TTC28: variants seen among roughly 807,000 people sequenced by gnomAD.
TTC28 encodes tetratricopeptide repeat protein 28.
A neutral mutation model predicts 198.0 loss-of-function variants in TTC28; 61 were observed. That is an observed-to-expected ratio of 0.31 (90% confidence interval 0.25 to 0.38). TTC28 has a LOEUF of 0.38. Ranked by LOEUF, TTC28 falls within the 10% of genes least tolerant of loss-of-function variation. The probability of loss-of-function intolerance (pLI) is 1.00; values close to 1 mark genes in which losing one functional copy is unlikely to be tolerated. For synonymous variants in TTC28, 1,171 were observed against 1,297.8 expected (o/e 0.90, Z 2.10); for missense variants, 2,678 against 3,164.0 (o/e 0.85, Z 3.69).
chr22:27,993,478 T>C lies in TTC28; in HGVS notation c.5285A>G (p.Asn1762Ser), dbSNP rs1418398360. The change falls in exon 18 of 23, where the codon AAT becomes AGT. Residue 1762 changes from asparagine to serine, a missense_variant. Around this residue, in one of 8 missense-constraint regions of TTC28, gnomAD observed 314 missense variants for 442.7 expected, o/e 0.71. Coordinates refer to ENST00000397906, the MANE Select transcript of TTC28 (RefSeq NM_001145418.2). ...SLQRIQNGQR[N>S]AMYTSQQSVE... The stretch of plus-strand genomic sequence containing the variant: ...ACTCTGCTGGGATGTGTACATGGCA[T>C]TGCGCTGCCCATTCTGGATGCGCTG... 2.6e-6 allele frequency: 4 copies of C among 1,550,998 alleles called. No homozygotes were observed. The East Asian group carries it at 7.3e-5, about 28-fold the overall frequency.
rs148306183 is a variant in TTC28, at chr22:28,225,368, A to AAAGAAGAAGAAGAAG, written c.934-61784_934-61770dup. Among the ~76,000 whole-genome samples the AAAGAAGAAGAAGAAG allele has an allele frequency of 7.1e-3, 1,020 of 143,160 alleles. 11 individuals are homozygous for AAAGAAGAAGAAGAAG. The highest frequency in any genetic ancestry group is 0.013 in the Admixed American group (191 of 14,202). The allele number at this position is 143,160 out of a possible 152,430, so 93.9% of individuals were successfully genotyped here. ...AGAGATTCTGTTAAAAAAAAAAAGA[A>AAAGAAGAAGAAGAAG]AAGAAGAAGAAGAAGAAGAAGAAGA... On this transcript the variant is annotated intron_variant, in intron 5 of 22. Transcript: ENST00000397906.
At chr22:28,164,505 G>C (rs935097553) in intron 5 of TTC28, among the ~76,000 whole-genome samples, 1 of 152,194 alleles carries the variant, frequency 6.6e-6, no homozygotes, top group African/African-American at 2.4e-5. Context: ...CTGTTCTACA[G>C]CCACTGCTGC....
At chr22:27,987,413 T>C (rs924508621) in intron 21 of TTC28, among the ~76,000 whole-genome samples, 2 of 152,184 alleles carry the variant, frequency 1.3e-5, no homozygotes, top group African/African-American at 4.8e-5. Flanking sequence ...TCAGGCTCCA[T>C]GAGGAAGAGA....
At position 28,313,943 on chromosome 22, in the gene TTC28, G is replaced by A. The variant is rs564215944; in HGVS notation, c.382-7300C>T. 9.8e-5 allele frequency among the ~76,000 whole-genome samples: 15 copies of A among 152,290 alleles called. No homozygotes were observed. In the East Asian group the frequency reaches 2.9e-3, roughly 29 times the overall value. On this transcript the variant is annotated intron_variant, in intron 2 of 22. Coordinates refer to ENST00000397906, the MANE Select transcript of TTC28 (RefSeq NM_001145418.2). ...AATTGTCTCTGTTTGCAGATGACACGATTGTATATTGAGAAAACCCCAACA... is the reference window on the plus strand; with the variant it reads ...AATTGTCTCTGTTTGCAGATGACACAATTGTATATTGAGAAAACCCCAACA...
At chr22:28,613,264 C>A (rs1254988641) in intron 2 of TTC28, among the ~76,000 whole-genome samples, 6 of 152,162 alleles carry the variant, frequency 3.9e-5, no homozygotes, top group Non-Finnish European at 8.8e-5. Flanking sequence ...AGTTGAATCC[C>A]TGAATAGACC....
chr22:28,497,216 A>G (rs191269087), intron 2 of TTC28, among the ~76,000 whole-genome samples: 2,272 of 152,262 alleles, frequency 0.015, 99 homozygotes, highest in Admixed American at 0.099. Flanking sequence ...GAGAATTTTA[A>G]TCTGCTTGTG....
chr22:28,356,264 A>G (rs1222800589), intron 2 of TTC28, among the ~76,000 whole-genome samples: 1 of 152,042 alleles, frequency 6.6e-6, no homozygotes, highest in Non-Finnish European at 1.5e-5. Context: ...TGCTGTCTAC[A>G]CTTCCCACTT....
chr22:28,037,044 A>G (rs551288365), intron 12 of TTC28, among the ~76,000 whole-genome samples: 9 of 152,300 alleles, frequency 5.9e-5, no homozygotes, highest in Admixed American at 2.0e-4. Flanking sequence ...CAACCAAAAA[A>G]AGTCCAGGAC....
chr22:28,098,251 T>C (rs1293417148), intron 10 of TTC28, among the ~76,000 whole-genome samples: 3 of 152,140 alleles, frequency 2.0e-5, no homozygotes, highest in Non-Finnish European at 2.9e-5. Context: ...TTGAAAGATG[T>C]GTGGATGAGG....
chr22:28,260,126 T>G (rs1263821024), intron 5 of TTC28, among the ~76,000 whole-genome samples: 1 of 152,188 alleles, frequency 6.6e-6, no homozygotes, highest in Non-Finnish European at 1.5e-5. Flanking sequence ...CTAGTGGAGC[T>G]TGTGCTTTGT....
intron 2 of TTC28, among the ~76,000 whole-genome samples, chr22:28,443,544 G>A (rs2047656951): frequency 1.3e-5 from 2 of 152,020 alleles, no homozygotes. Flanking sequence ...CTGTAAATAG[G>A]AAAACTTGGT....
chr22:28,643,901 A>G (rs2051410845), intron 1 of TTC28, among the ~76,000 whole-genome samples: 2 of 152,182 alleles, frequency 1.3e-5, no homozygotes, highest in Admixed American at 1.3e-4. Context: ...AAAACTCTAT[A>G]AGATAGGTAC....
chr22:28,571,231 C>T (rs1471490741), intron 2 of TTC28, among the ~76,000 whole-genome samples: 1 of 152,138 alleles, frequency 6.6e-6, no homozygotes, highest in African/African-American at 2.4e-5. Flanking sequence ...TCTTCGGCAC[C>T]ACTTCTACCC....
intron 2 of TTC28, among the ~76,000 whole-genome samples, chr22:28,422,317 G>C (rs967513768): frequency 2.4e-4 from 36 of 152,110 alleles, no homozygotes; most frequent in African/African-American, 8.7e-4. Flanking sequence ...TGGCTTTTTT[G>C]AACCTACATA....
At chr22:28,220,278 T>A (rs1927753779) in intron 5 of TTC28, among the ~76,000 whole-genome samples, 1 of 152,230 alleles carries the variant, frequency 6.6e-6, no homozygotes, top group African/African-American at 2.4e-5. Context: ...AGTTATCTAT[T>A]GCTGAGTAAC....
chr22:28,545,791 T>C (rs1194919436), intron 2 of TTC28, among the ~76,000 whole-genome samples: 2 of 152,040 alleles, frequency 1.3e-5, no homozygotes, highest in African/African-American at 2.4e-5. Context: ...CAAGACTATA[T>C]AAGAAAAATT....
At chr22:28,390,912 T>G (rs1184205235) in intron 2 of TTC28, among the ~76,000 whole-genome samples, 4 of 152,200 alleles carry the variant, frequency 2.6e-5, no homozygotes, top group East Asian at 1.9e-4. Flanking sequence ...ATTTTGCTGG[T>G]TAGTTGATGC....
chr22:28,088,613 C>T (rs187957609), intron 12 of TTC28, among the ~76,000 whole-genome samples: 49 of 152,254 alleles, frequency 3.2e-4, no homozygotes, highest in African/African-American at 8.9e-4. Flanking sequence ...GCAAGGACTT[C>T]GTGTATAAAA....
intron 12 of TTC28, among the ~76,000 whole-genome samples, chr22:28,086,245 T>C (rs1164777455): frequency 6.6e-6 from 1 of 152,086 alleles, no homozygotes; most frequent in African/African-American, 2.4e-5. Flanking sequence ...TATTCCAAAA[T>C]TGACCACATA....
Sources: allele counts gnomAD v4.1 joint callset (sites outside exome capture counted in the v4.1 genomes callset), GRCh38; gene constraint gnomAD v4.1.1; regional missense constraint gnomAD v4.1.1; transcripts MANE v1.5; gene names NCBI Gene and HGNC (gene_info 2026-07-23, HGNC 2026-07-21).